MCCC2: variants seen among roughly 807,000 people sequenced by gnomAD.
The protein encoded by MCCC2 is methylcrotonoyl-CoA carboxylase beta chain, mitochondrial.
In MCCC2, 52 loss-of-function variants were observed where a neutral mutation model predicts 77.2. That is an observed-to-expected ratio of 0.67 (90% confidence interval 0.54 to 0.85). The LOEUF is 0.85. MCCC2 is among the 40% of genes least tolerant of loss of function. MCCC2 has a pLI of 0.00. For synonymous variants in MCCC2, 253 were observed against 248.4 expected (o/e 1.02, Z -0.18); for missense variants, 682 against 703.2 (o/e 0.97, Z 0.34).
At chr5:71,632,276 A>C (rs542776484) in intron 8 of MCCC2, 91 bp downstream of exon 8, 2 of 1,198,368 alleles carry the variant, frequency 1.7e-6, no homozygotes, top group South Asian at 1.2e-5. Flanking sequence ...TCCAGTGCTA[A>C]ACTTGCCAGA....
chr5:71,596,198 TGGATTAA>T (rs2112292921), intron 2 of MCCC2, 75 bp from the exon 3 acceptor site: 1 of 1,179,510 alleles, frequency 8.5e-7, no homozygotes, highest in Non-Finnish European at 1.3e-6. Context: ...TGCTATATTT[TGGATTAA>T]GTATTATGTT....
intron 10 of MCCC2, chr5:71,636,526 C>A (rs1263043402): frequency 1.3e-5 from 2 of 152,754 alleles, no homozygotes; most frequent in African/African-American, 2.4e-5. Context: ...CATGGTGAAA[C>A]CCCATCTCTA....
At chr5:71,656,422 A>G (rs1309521261) in intron 16 of MCCC2, among the ~76,000 whole-genome samples, 1 of 152,198 alleles carries the variant, frequency 6.6e-6, no homozygotes, top group East Asian at 1.9e-4. Flanking sequence ...AAGAAAAGGA[A>G]TAGGAAAATT....
At chr5:71,587,652 C>A in intron 1 of MCCC2, 98 bp downstream of exon 1, 1 of 1,444,446 alleles carries the variant, frequency 6.9e-7, no homozygotes, top group Non-Finnish European at 9.3e-7. Context: ...TTGTCCGGAG[C>A]CCCAGTTGAT....
intron 15 of MCCC2, among the ~76,000 whole-genome samples, chr5:71,651,060 T>C (rs185715232): frequency 6.4e-4 from 97 of 152,316 alleles, no homozygotes; most frequent in African/African-American, 2.2e-3. Context: ...ATTACAGGTG[T>C]GTGCCACCAT....
In MCCC2 at chr5:71,611,839, A is replaced by G. The variant is rs1392859531; in HGVS notation, c.624+7371A>G. Among the ~76,000 whole-genome samples the G allele has an allele frequency of 2.0e-5, 3 of 146,434 alleles. No homozygotes were observed. In the East Asian group the frequency reaches 6.0e-4, roughly 29 times the overall value. ...AGTCTTGCTCTGTTGCCCAGGCTGG[A>G]GTGCAGTGGTGCTACCTCGGCTCAC... On this transcript the variant is annotated intron_variant, in intron 6 of 16. Transcript: ENST00000340941.
At chr5:71,591,739 G>A (rs920973828) in intron 1 of MCCC2, among the ~76,000 whole-genome samples, 3 of 151,434 alleles carry the variant, frequency 2.0e-5, no homozygotes, top group Admixed American at 6.6e-5. Context: ...GGCTGGCCGA[G>A]TTTTGTTCTT....
intron 11 of MCCC2, 88 bp downstream of exon 11, chr5:71,641,163 C>A: frequency 8.3e-7 from 1 of 1,203,296 alleles, no homozygotes; most frequent in Non-Finnish European, 1.2e-6. Flanking sequence ...ATACACTTGA[C>A]ATGGGCTTTG....
At chr5:71,595,507 T>C (rs879666835) in intron 2 of MCCC2, among the ~76,000 whole-genome samples, 2 of 151,820 alleles carry the variant, frequency 1.3e-5, no homozygotes, top group African/African-American at 2.4e-5. Flanking sequence ...AGAAATAGCT[T>C]TCTGAAATAG....
chr5:71,626,001 A>G (rs558416971), intron 6 of MCCC2, among the ~76,000 whole-genome samples: 12 of 152,148 alleles, frequency 7.9e-5, no homozygotes, highest in Non-Finnish European at 1.5e-4. Flanking sequence ...TCTTTGTACC[A>G]TCCTAATTTC....
At chr5:71,588,288 AG>A (rs1355620032) in intron 1 of MCCC2, among the ~76,000 whole-genome samples, 5 of 144,828 alleles carry the variant, frequency 3.5e-5, no homozygotes, top group African/African-American at 7.7e-5. Context: ...AAAAAAAAAA[AG>A]TTGGTTATGT....
At chr5:71,593,756 A>G (rs1561817608) in intron 2 of MCCC2, among the ~76,000 whole-genome samples, 1 of 152,152 alleles carries the variant, frequency 6.6e-6, no homozygotes, top group Non-Finnish European at 1.5e-5. Context: ...AGCATTCTTC[A>G]TATTTGATAG....
chr5:71,587,447 G>T lies in MCCC2; in HGVS notation c.22G>T (p.Ala8Ser). Reference sequence around the variant, plus strand: ...CGCCATGTGGGCCGTCCTGAGGTTAGCCCTGCGGCCGTGTGCCCGCGCCTC... The same window carrying T: ...CGCCATGTGGGCCGTCCTGAGGTTATCCCTGCGGCCGTGTGCCCGCGCCTC... MWAVLRLALRPCARASPA... is the reference protein window; with the variant it reads MWAVLRLSLRPCARASPA... Residue 8 changes from alanine to serine, a missense_variant, in exon 1 of 17, where the codon GCC (alanine) becomes TCC (serine). Physicochemically the swap from Ala to Ser is moderately conservative, Grantham distance 99. Transcript: ENST00000340941. The T allele has an allele frequency of 6.5e-7, 1 of 1,535,142 alleles. No individual in the cohort carries two copies. Among genetic ancestry groups the T allele is most frequent in the South Asian group, 1.2e-5 (1 of 83,924 alleles).
chr5:71,611,013 G>T (rs1275995473), intron 6 of MCCC2, among the ~76,000 whole-genome samples: 1 of 152,050 alleles, frequency 6.6e-6, no homozygotes, highest in Non-Finnish European at 1.5e-5. Flanking sequence ...TTTTTAAAAG[G>T]AAAACAGGGT....
intron 12 of MCCC2, 137 bp downstream of exon 12, chr5:71,644,032 C>CTTGTGTGTGT: frequency 2.9e-4 from 154 of 538,396 alleles, no homozygotes; most frequent in East Asian, 8.6e-4. Context: ...TGTGCGCGGG[C>CTTGTGTGTGT]ATGTGTGTGT....
intron 4 of MCCC2, among the ~76,000 whole-genome samples, chr5:71,601,619 T>G (rs1745437909): frequency 6.6e-6 from 1 of 152,222 alleles, no homozygotes; most frequent in Admixed American, 6.5e-5. Flanking sequence ...CACTACCCTG[T>G]GCTGGGTGTT....
intron 6 of MCCC2, among the ~76,000 whole-genome samples, chr5:71,617,792 T>A (rs995745735): frequency 3.3e-5 from 5 of 152,218 alleles, no homozygotes; most frequent in African/African-American, 1.2e-4. Flanking sequence ...CATTGTAAAT[T>A]CATTTACCTA....
intron 13 of MCCC2, among the ~76,000 whole-genome samples, chr5:71,648,674 A>G (rs1747340658): frequency 6.6e-6 from 1 of 152,070 alleles, no homozygotes; most frequent in South Asian, 2.1e-4. Flanking sequence ...CCTTTTTAAA[A>G]TTTTTATTTA....
intron 13 of MCCC2, among the ~76,000 whole-genome samples, chr5:71,646,507 A>G (rs1747278804): frequency 1.3e-5 from 2 of 152,158 alleles, no homozygotes; most frequent in Admixed American, 1.3e-4. Context: ...GCCTACAGGC[A>G]TGTGCCACCA....
Sources: allele counts gnomAD v4.1 joint callset (sites outside exome capture counted in the v4.1 genomes callset), GRCh38; gene constraint gnomAD v4.1.1; transcripts MANE v1.5; gene names NCBI Gene and HGNC (gene_info 2026-07-23, HGNC 2026-07-21).